Variants in NKIRAS2 observed in about 807,000 individuals in gnomAD.
NKIRAS2 encodes the protein NFKB inhibitor interacting Ras like 2, also known as NF-kappa-B inhibitor-interacting Ras-like protein 2.
Under a neutral mutation model 20.7 loss-of-function variants are expected in NKIRAS2, and 15 were observed. The ratio of observed to expected loss-of-function variants is 0.73; its 90% CI spans 0.49 to 1.12. NKIRAS2 has a LOEUF of 1.12. Ranked by LOEUF, NKIRAS2 falls within the 50% of genes most tolerant of loss-of-function variation. NKIRAS2 has a pLI of 0.00. For missense variants in NKIRAS2, 196 were observed against 249.6 expected (o/e 0.79, Z 1.45); for synonymous variants, 116 against 101.4 (o/e 1.14, Z -0.87).
chr17:42,023,736 A>G lies in NKIRAS2; in HGVS notation c.419A>G (p.Lys140Arg), dbSNP rs782448624. Residue 140 changes from lysine to arginine, a missense_variant, in exon 4 of 4, where the codon AAG (lysine) becomes AGG (arginine). By Grantham distance (26) the Lys-to-Arg change is conservative. Coordinates refer to ENST00000393885, the MANE Select transcript of NKIRAS2 (RefSeq NM_017595.6). ...VDPDVAQHWA[K>R]SEKVKLWEVS... is the part of the protein sequence containing the mutation. ...CCAGATGTGGCTCAGCACTGGGCCA[A>G]GTCAGAGAAGGTGAAGCTGTGGGAG... The G allele has an allele frequency of 6.2e-7, 1 of 1,614,120 alleles. No individual in the cohort carries two copies. Among genetic ancestry groups the G allele is most frequent in the East Asian group, 2.2e-5 (1 of 44,874 alleles).
At chr17:42,022,082 G>T in intron 2 of NKIRAS2, 2 of 434,436 alleles carry the variant, frequency 4.6e-6, no homozygotes, top group Non-Finnish European at 8.8e-6. Context: ...GGTGGCACAT[G>T]CCTGTAATCC....
At chr17:42,018,888 TATTTAA>T (rs2143417654), upstream of NKIRAS2, among the ~76,000 whole-genome samples, 1 of 152,310 alleles carries the variant, frequency 6.6e-6, no homozygotes, top group Admixed American at 6.5e-5. Context: ...AGGCTTACCA[TATTTAA>T]ATTTAACTTT....
chr17:42,019,316 C>A (rs797039130), upstream of NKIRAS2, among the ~76,000 whole-genome samples: 1 of 152,024 alleles, frequency 6.6e-6, no homozygotes, highest in Non-Finnish European at 1.5e-5. Context: ...GAAAAAAAAA[C>A]TTGGAATACA....
At chr17:42,021,921 G>A (rs2052461080) in intron 2 of NKIRAS2, 1 of 677,232 alleles carries the variant, frequency 1.5e-6, no homozygotes, top group Non-Finnish European at 2.8e-6. Context: ...TAAAATTAAT[G>A]TCCATTGGCC....
intron 1 of NKIRAS2, chr17:42,020,474 C>T (rs2052416169): frequency 6.6e-6 from 1 of 151,268 alleles, no homozygotes; most frequent in African/African-American, 2.4e-5. Flanking sequence ...TGGGGGGGAT[C>T]TTTGTCTGGA....
At chr17:42,023,529 G>T (rs1019753430) in intron 3 of NKIRAS2, 125 bp from the exon 4 acceptor site, 1 of 839,560 alleles carries the variant, frequency 1.2e-6, no homozygotes, top group Non-Finnish European at 1.9e-6. Context: ...ATGGAATCTA[G>T]AAAGAGATGA....
chr17:42,018,847 G>A (rs2052375882), upstream of NKIRAS2, among the ~76,000 whole-genome samples: 1 of 152,000 alleles, frequency 6.6e-6, no homozygotes, highest in African/African-American at 2.4e-5. Context: ...ACTATCTACT[G>A]GATATCTCTT....
chr17:42,021,919 A>G (rs147875871), intron 2 of NKIRAS2: 232 of 680,570 alleles, frequency 3.4e-4, no homozygotes, highest in African/African-American at 3.4e-3. Flanking sequence ...CATAAAATTA[A>G]TGTCCATTGG....
At chr17:42,023,596 T>C (rs2052508926) in intron 3 of NKIRAS2, 58 bp from the exon 4 acceptor site, 1 of 1,541,692 alleles carries the variant, frequency 6.5e-7, no homozygotes, top group South Asian at 1.2e-5. Context: ...CCAGCCCCCA[T>C]GTCCATTCCT....
chr17:42,022,697 G>C, intron 3 of NKIRAS2, 57 bp downstream of exon 3: 1 of 1,564,468 alleles, frequency 6.4e-7, no homozygotes, highest in South Asian at 1.2e-5. Context: ...TGGGCGGAGG[G>C]CTGGTTTGGG....
Position 42,024,616 on chromosome 17 carries a change from T to C in NKIRAS2, c.*723T>C, listed in dbSNP as rs1555653862. ...TGTGAAACCCCATCTCTGCCAAAAATACAAAAGTTAGCCGGGCGTAGTGGC... is the reference window on the plus strand; with the variant it reads ...TGTGAAACCCCATCTCTGCCAAAAACACAAAAGTTAGCCGGGCGTAGTGGC... On this transcript the variant is annotated 3_prime_UTR_variant, in exon 4 of 4. Coordinates refer to ENST00000393885, the MANE Select transcript of NKIRAS2 (RefSeq NM_017595.6). 6.6e-6 allele frequency: 1 copy of C among 152,116 alleles called. No individual in the cohort carries two copies. The highest frequency in any genetic ancestry group is 1.5e-5 in the Non-Finnish European group (1 of 68,114). 9.4% of individuals were successfully genotyped at this position (152,116 alleles called of 1,614,324 possible).
chr17:42,021,309 A>C, intron 1 of NKIRAS2: 1 of 413,224 alleles, frequency 2.4e-6, no homozygotes, highest in South Asian at 2.6e-5. Context: ...AAGACGAATA[A>C]AATAACAGCT....
Position 42,021,566 on chromosome 17 carries a change from T to A in NKIRAS2, c.-12T>A. The A allele has an allele frequency of 6.2e-7, 1 of 1,613,946 alleles. No individual in the cohort carries two copies. The highest frequency in any genetic ancestry group is 8.5e-7 in the Non-Finnish European group (1 of 1,179,826). On this transcript the variant is annotated splice_region_variant and 5_prime_UTR_variant, in exon 2 of 4. Coordinates refer to ENST00000393885, the MANE Select transcript of NKIRAS2 (RefSeq NM_017595.6). ...CCAGCGTGCTTCTGTTCTTCAAGGT[T>A]GAAAACTAAGCATGGGGAAGAGCTG...
chr17:42,021,346 A>G (rs1316714910), intron 1 of NKIRAS2: 1 of 511,022 alleles, frequency 2.0e-6, no homozygotes, highest in Non-Finnish European at 3.6e-6. Flanking sequence ...ACATGGAGAC[A>G]TCCGTTTCCT....
At chr17:42,023,023 G>T in intron 3 of NKIRAS2, 1 of 300,230 alleles carries the variant, frequency 3.3e-6, no homozygotes, top group Non-Finnish European at 6.7e-6. Context: ...GTTTGTTTGA[G>T]ACAGGGTCTC....
At chr17:42,023,537 T>G (rs2052507360) in intron 3 of NKIRAS2, 117 bp from the exon 4 acceptor site, 8 of 875,778 alleles carry the variant, frequency 9.1e-6, no homozygotes, top group Non-Finnish European at 1.4e-5. Flanking sequence ...TAGAAAGAGA[T>G]GAGATATCAG....
Position 42,021,665 on chromosome 17 carries a change from G to A in NKIRAS2, c.88G>A (p.Val30Ile). The A allele has an allele frequency of 6.2e-7, 1 of 1,613,968 alleles. No individual in the cohort carries two copies. The highest frequency in any genetic ancestry group is 8.5e-7 in the Non-Finnish European group (1 of 1,179,834). Residue 30 changes from valine (V) to isoleucine (I), a missense_variant, in exon 2 of 4, where the codon GTA becomes ATA. Physicochemically the swap from Val to Ile is conservative, Grantham distance 29. Coordinates refer to ENST00000393885, the MANE Select transcript of NKIRAS2 (RefSeq NM_017595.6). ...ILEQLLYGNHVVGSEMIETQE... is the reference protein window; with the variant it reads ...ILEQLLYGNHIVGSEMIETQE... The stretch of plus-strand genomic sequence containing the variant: ...GGAGCAGCTTCTGTATGGGAACCAT[G>A]TAGTGGGTGAGTGTTGTTGGAGGGG...
At position 42,023,682 on chromosome 17, in the gene NKIRAS2, G is replaced by A; in HGVS notation, c.365G>A (p.Cys122Tyr). ...EVTIVVLGNK[C>Y]DLQEQRRVDP... is the part of the protein sequence containing the mutation. The stretch of plus-strand genomic sequence containing the variant: ...ACCATCGTGGTCCTTGGCAACAAGT[G>A]TGACTTACAGGAGCAGCGGCGTGTA... Residue 122 changes from cysteine to tyrosine, a missense_variant, in exon 4 of 4, where the codon TGT becomes TAT. By Grantham distance (194) the Cys-to-Tyr change is radical. Transcript: ENST00000393885. The A allele has an allele frequency of 6.2e-7, 1 of 1,614,198 alleles. No individual in the cohort carries two copies. The highest frequency in any genetic ancestry group is 8.5e-7 in the Non-Finnish European group (1 of 1,180,036).
At position 42,024,204 on chromosome 17, in the gene NKIRAS2, A is replaced by G; in HGVS notation, c.*311A>G. ...GCCCCAGACAGGAAGCAGAGTCACC[A>G]CGCAGCAGTGTCCCTTCTTGGGTCT... On this transcript the variant is annotated 3_prime_UTR_variant, in exon 4 of 4. Coordinates refer to ENST00000393885, the MANE Select transcript of NKIRAS2 (RefSeq NM_017595.6). The G allele has an allele frequency of 2.7e-6, 1 of 377,330 alleles. No individual in the cohort carries two copies. The highest frequency in any genetic ancestry group is 5.0e-6 in the Non-Finnish European group (1 of 201,638). 23.4% of individuals were successfully genotyped at this position (377,330 alleles called of 1,614,324 possible).
Sources: allele counts gnomAD v4.1 joint callset (sites outside exome capture counted in the v4.1 genomes callset), GRCh38; gene constraint gnomAD v4.1.1; transcripts MANE v1.5; gene names NCBI Gene and HGNC (gene_info 2026-07-23, HGNC 2026-07-21).